The following AGAP1 variants were observed in gnomAD, a reference collection of about 807,000 sequenced individuals.
The protein encoded by AGAP1 is ArfGAP with GTPase domain, ankyrin repeat and PH domain 1.
In AGAP1, 29 loss-of-function variants were observed where a neutral mutation model predicts 105.3. The ratio of observed to expected loss-of-function variants is 0.28; its 90% confidence interval spans 0.21 to 0.38. AGAP1 has a LOEUF of 0.38. Ranked by LOEUF, AGAP1 falls within the 10% of genes least tolerant of loss-of-function variation. The pLI, the probability that AGAP1 is intolerant of heterozygous loss-of-function variation, is 1.00. For synonymous variants in AGAP1, 509 were observed against 485.9 expected, an observed-to-expected ratio of 1.05 and a Z score of -0.63; for missense variants, 998 against 1,165.1, an observed-to-expected ratio of 0.86 and a Z score of 2.09.
intron 6 of AGAP1, among the ~76,000 whole-genome samples, chr2:235,795,662 AT>A (rs1234144193): frequency 1.3e-5 from 2 of 151,830 alleles, no homozygotes; most frequent in Admixed American, 1.3e-4. Flanking sequence ...TAGGACAAAT[AT>A]GAAAAAAAAA....
Position 236,063,756 on chromosome 2 carries a change from A to T in AGAP1, c.2114+14475A>T, listed in dbSNP as rs372435259. ...AGCCACTCCTGGCTGCAGAGATCTG[A>T]CTTCACAGAATTACTTGAGGCCCAG... On this transcript the variant is annotated intron_variant, in intron 16 of 17. Coordinates refer to ENST00000304032, the MANE Select transcript of AGAP1 (RefSeq NM_001037131.3). Among the ~76,000 whole-genome samples the T allele has an allele frequency of 5.1e-4, 77 of 152,312 alleles. 1 individual carries two copies. Among genetic ancestry groups the T allele is most frequent in the African/African-American group, 1.7e-3 (70 of 41,570 alleles).
intron 3 of AGAP1, among the ~76,000 whole-genome samples, chr2:235,726,563 TTTCACCTGTG>T (rs1951657401): frequency 6.6e-6 from 1 of 152,182 alleles, no homozygotes. Flanking sequence ...CATCACACAC[TTTCACCTGTG>T]TTCACTGCTC....
chr2:235,671,508 C>T (rs532535261), intron 1 of AGAP1, among the ~76,000 whole-genome samples: 47 of 152,326 alleles, frequency 3.1e-4, no homozygotes, highest in Non-Finnish European at 4.0e-4. Flanking sequence ...TGCCTCGAGT[C>T]GTCTCCCTGT....
rs774628578 is a variant in AGAP1 at position 235,621,664 on chromosome 2, G to T, written c.164-87515G>T. ...TCTGGTCTCTCCAACACAAGGGTTG[G>T]TCATTCCCTGTGCCCATTGTTCATG... is the stretch of plus-strand genomic sequence containing the variant. On this transcript the variant is annotated intron_variant, in intron 1 of 17. Coordinates refer to ENST00000304032, the MANE Select transcript of AGAP1 (RefSeq NM_001037131.3). The surrounding 1 kb of genome is among the most constrained non-coding windows in gnomAD (Gnocchi z 4.1). 1.7e-4 allele frequency among the ~76,000 whole-genome samples: 26 copies of T among 152,230 alleles called. No individual in the cohort carries two copies. Among genetic ancestry groups the T allele is most frequent in the Non-Finnish European group, 2.9e-4 (20 of 68,044 alleles).
intron 2 of AGAP1, among the ~76,000 whole-genome samples, chr2:235,713,646 C>T (rs184439035): frequency 9.9e-5 from 15 of 152,232 alleles, no homozygotes; most frequent in Non-Finnish European, 1.9e-4. Flanking sequence ...ATCCTTGGGG[C>T]AGAGACCTAA....
intron 9 of AGAP1, among the ~76,000 whole-genome samples, chr2:235,868,573 C>T (rs182693806): frequency 1.9e-4 from 29 of 152,288 alleles, no homozygotes; most frequent in South Asian, 4.1e-4. Context: ...CGAGCAGAGG[C>T]CGGCACCATT....
chr2:235,770,845 A>T (rs759068150), intron 6 of AGAP1, among the ~76,000 whole-genome samples: 7 of 152,158 alleles, frequency 4.6e-5, no homozygotes, highest in Non-Finnish European at 7.4e-5. Context: ...GGGGTCCCAA[A>T]AGATACTCAA....
chr2:235,976,711 A>C lies in AGAP1; in HGVS notation c.1645+8088A>C, dbSNP rs754867983. Among the ~76,000 whole-genome samples the C allele has an allele frequency of 2.6e-5, 4 of 152,138 alleles. No individual in the cohort carries two copies. Among genetic ancestry groups the C allele is most frequent in the Admixed American group, 1.3e-4 (2 of 15,282 alleles). On this transcript the variant is annotated intron_variant, in intron 13 of 17. Transcript: ENST00000304032. The surrounding 1 kb of genome is among the most constrained non-coding windows in gnomAD (Gnocchi z 4.5). The stretch of plus-strand genomic sequence containing the variant: ...ATAGACCAGTGGAGAAAGCAGAAAC[A>C]CGCCGGGGAACTTGGTTATGCAGGA...
At position 235,655,551 on chromosome 2, in the gene AGAP1, T is replaced by C. The variant is rs1947744919; in HGVS notation, c.164-53628T>C. Among the ~76,000 whole-genome samples, 1 of 152,156 alleles carries C rather than the reference T, an allele frequency of 6.6e-6. No homozygotes were observed. The highest frequency in any genetic ancestry group is 2.4e-5 in the African/African-American group (1 of 41,426). ...CCAGTATAATACTCCCCACTCCTAG[T>C]TGGGAATATCTAACCTGTGTTGAGT... is the stretch of plus-strand genomic sequence containing the variant. On this transcript the variant is annotated intron_variant, in intron 1 of 17. Transcript: ENST00000304032. This position sits in a 1 kb window ranked among gnomAD's most constrained non-coding sequence, Gnocchi z 4.3.
At chr2:235,767,653 G>A (rs1245326752) in intron 6 of AGAP1, among the ~76,000 whole-genome samples, 2 of 152,120 alleles carry the variant, frequency 1.3e-5, no homozygotes, top group East Asian at 1.9e-4. Flanking sequence ...CAGGCAGTAG[G>A]ACCTTTCCAG....
At chr2:235,804,911 G>T (rs868006495) in intron 8 of AGAP1, among the ~76,000 whole-genome samples, 1 of 152,160 alleles carries the variant, frequency 6.6e-6, no homozygotes, top group Non-Finnish European at 1.5e-5. Flanking sequence ...TGATTCCTCG[G>T]ATCCATTCCA....
chr2:235,696,857 G>A (rs908904936), intron 1 of AGAP1, among the ~76,000 whole-genome samples: 21 of 151,986 alleles, frequency 1.4e-4, no homozygotes, highest in Admixed American at 2.6e-4. Flanking sequence ...GGTGGCACAC[G>A]TCTGTAATCC....
intron 1 of AGAP1, among the ~76,000 whole-genome samples, chr2:235,584,325 T>C (rs1399191019): frequency 2.6e-5 from 4 of 151,414 alleles, no homozygotes; most frequent in African/African-American, 9.7e-5. Context: ...TTTGTTCTTA[T>C]AGGAACAAGG....
chr2:236,028,664 T>C (rs762387622), intron 13 of AGAP1, among the ~76,000 whole-genome samples: 4 of 152,208 alleles, frequency 2.6e-5, no homozygotes, highest in Non-Finnish European at 4.4e-5. Flanking sequence ...CATGTGAATG[T>C]CTTTATCTTC....
intron 6 of AGAP1, among the ~76,000 whole-genome samples, chr2:235,773,027 T>C (rs72977127): frequency 0.25 from 38,562 of 152,126 alleles, 5,277 homozygotes; most frequent in Admixed American, 0.4. Context: ...GGTCCAGGTT[T>C]TTGGCCTTTT....
chr2:235,579,489 C>T (rs1285113242), intron 1 of AGAP1, among the ~76,000 whole-genome samples: 1 of 152,026 alleles, frequency 6.6e-6, no homozygotes, highest in African/African-American at 2.4e-5. Context: ...TAAAAGTGAA[C>T]ACTTGGCCAG....
intron 13 of AGAP1, among the ~76,000 whole-genome samples, chr2:236,007,665 G>A (rs1042491018): frequency 2.0e-5 from 3 of 152,234 alleles, no homozygotes; most frequent in Non-Finnish European, 2.9e-5. Flanking sequence ...CAAAGGGCCT[G>A]CAATATATTC....
At chr2:235,972,913 C>A (rs2054712370) in intron 13 of AGAP1, among the ~76,000 whole-genome samples, 1 of 151,860 alleles carries the variant, frequency 6.6e-6, no homozygotes, top group Admixed American at 6.6e-5. Context: ...CCCAGGGAGC[C>A]CTCGCGGCTT....
chr2:235,546,095 CTG>C (rs1229820493), intron 1 of AGAP1, among the ~76,000 whole-genome samples: 7 of 152,210 alleles, frequency 4.6e-5, no homozygotes, highest in African/African-American at 1.7e-4. Context: ...AACAGTCTGT[CTG>C]TGAAGGGGAT....
Sources: allele counts gnomAD v4.1 joint callset (sites outside exome capture counted in the v4.1 genomes callset), GRCh38; gene constraint gnomAD v4.1.1; non-coding constraint Gnocchi (gnomAD v3.1); transcripts MANE v1.5; gene names NCBI Gene and HGNC (gene_info 2026-07-23, HGNC 2026-07-21).